The following ATRNL1 variants were observed in gnomAD, a reference collection of about 807,000 sequenced individuals.
The protein encoded by ATRNL1 is attractin like 1.
A neutral mutation model predicts 182.7 loss-of-function variants in ATRNL1; 95 were observed. The observed-to-expected ratio is 0.52, with a 90% CI of 0.44 to 0.62. ATRNL1 has a LOEUF of 0.62. Among genes scored for constraint, ATRNL1 ranks in the 20% least tolerant of loss-of-function variants. ATRNL1 has a pLI of 0.00. For missense variants in ATRNL1, 1,471 were observed against 1,679.5 expected (o/e 0.88, Z 2.17); for synonymous variants, 576 against 568.3 (o/e 1.01, Z -0.19).
chr10:115,938,098 G>A (rs1210394608), intron 28 of ATRNL1, among the ~76,000 whole-genome samples: 1 of 152,182 alleles, frequency 6.6e-6, no homozygotes, highest in Non-Finnish European at 1.5e-5. Flanking sequence ...AAATGGAAGT[G>A]CTATGTTTGT....
intron 25 of ATRNL1, among the ~76,000 whole-genome samples, chr10:115,536,025 G>T (rs1554990178): frequency 6.6e-6 from 1 of 151,882 alleles, no homozygotes. Flanking sequence ...CCTACTGGGG[G>T]GAGCCTCCCA....
At chr10:115,142,620 G>A (rs908374365) in intron 5 of ATRNL1, among the ~76,000 whole-genome samples, 1 of 152,148 alleles carries the variant, frequency 6.6e-6, no homozygotes, top group Non-Finnish European at 1.5e-5. Context: ...CAGAAGATTA[G>A]TATTATGTGG....
intron 9 of ATRNL1, among the ~76,000 whole-genome samples, chr10:115,236,941 T>C (rs1850212011): frequency 6.6e-6 from 1 of 152,194 alleles, no homozygotes; most frequent in South Asian, 2.1e-4. Context: ...ACCACTGATA[T>C]TTTTACTGTC....
In ATRNL1 at chr10:115,770,784, A is replaced by G. The variant is rs182020031; in HGVS notation, c.3903+43429A>G. Among the ~76,000 whole-genome samples the G allele has an allele frequency of 4.4e-4, 67 of 152,302 alleles. No homozygotes were observed. In the East Asian group the frequency reaches 0.012, roughly 27 times the overall value. ...GTTAGAATAAAACCTTAATAAAACC[A>G]GTAAAAAGACTTTGTAATTTGCATT... On this transcript the variant is annotated intron_variant, in intron 27 of 28. Transcript: ENST00000355044.
intron 26 of ATRNL1, among the ~76,000 whole-genome samples, chr10:115,553,281 G>C (rs576031439): frequency 6.6e-6 from 1 of 151,310 alleles, no homozygotes; most frequent in South Asian, 2.1e-4. Flanking sequence ...AAAATCTGTA[G>C]AATAATAGAT....
chr10:115,237,742 T>C (rs782519183), intron 9 of ATRNL1, among the ~76,000 whole-genome samples: 7 of 152,218 alleles, frequency 4.6e-5, no homozygotes, highest in Middle Eastern at 3.2e-3. Flanking sequence ...GTCCAAATTA[T>C]GACTTTTTTC....
rs78686641 is a variant in ATRNL1 at position 115,523,774 on chromosome 10, A to G, written c.3716+4450A>G. Among the ~76,000 whole-genome samples the G allele has an allele frequency of 5.8e-3, 887 of 152,294 alleles. 9 individuals are homozygous for G. The highest frequency in any genetic ancestry group is 0.02 in the African/African-American group (851 of 41,558). ...CTTAACCAATTTCTAAGATGTTCCA[A>G]ACTTTCCCTCATTTTTCTATCTTAT... is the stretch of plus-strand genomic sequence containing the variant. On this transcript the variant is annotated intron_variant, in intron 25 of 28. Coordinates refer to ENST00000355044, the MANE Select transcript of ATRNL1 (RefSeq NM_207303.4).
At chr10:115,149,950 G>A (rs187273066) in intron 5 of ATRNL1, among the ~76,000 whole-genome samples, 1 of 151,136 alleles carries the variant, frequency 6.6e-6, no homozygotes, top group Non-Finnish European at 1.5e-5. Flanking sequence ...GTGGACTTTG[G>A]CCGTGAAGCC....
chr10:115,796,352 C>G (rs1169594600), intron 27 of ATRNL1, among the ~76,000 whole-genome samples: 1 of 152,064 alleles, frequency 6.6e-6, no homozygotes, highest in African/African-American at 2.4e-5. Flanking sequence ...CCCACCTAAT[C>G]TGGACACCTA....
intron 15 of ATRNL1, among the ~76,000 whole-genome samples, chr10:115,293,687 G>T (rs988217256): frequency 1.3e-5 from 2 of 152,150 alleles, no homozygotes; most frequent in Non-Finnish European, 2.9e-5. Context: ...GTCTGTGGAA[G>T]ATATTATTTC....
chr10:115,604,081 CTTAT>C (rs1212687581), intron 26 of ATRNL1, among the ~76,000 whole-genome samples: 1 of 151,980 alleles, frequency 6.6e-6, no homozygotes, highest in Non-Finnish European at 1.5e-5. Context: ...TTTTTACTGA[CTTAT>C]TTTTCTCTCA....
At chr10:115,313,497 T>C (rs1413507338) in intron 17 of ATRNL1, among the ~76,000 whole-genome samples, 2 of 152,184 alleles carry the variant, frequency 1.3e-5, no homozygotes, top group Non-Finnish European at 2.9e-5. Context: ...CACTGTCTCC[T>C]GTGGGGTTGG....
intron 25 of ATRNL1, among the ~76,000 whole-genome samples, chr10:115,533,184 T>C (rs1340264254): frequency 3.3e-5 from 5 of 151,646 alleles, no homozygotes; most frequent in Non-Finnish European, 7.4e-5. Context: ...ATGGTACCAG[T>C]TCCTCCTTGT....
At chr10:115,286,464 T>A in intron 15 of ATRNL1, 67 bp downstream of exon 15, 1 of 1,138,664 alleles carries the variant, frequency 8.8e-7, no homozygotes, top group Non-Finnish European at 1.2e-6. Flanking sequence ...TTGAAATTTT[T>A]TTTTGGTTTT....
intron 27 of ATRNL1, among the ~76,000 whole-genome samples, chr10:115,758,548 A>G (rs1349868066): frequency 1.3e-5 from 2 of 152,144 alleles, no homozygotes; most frequent in Non-Finnish European, 2.9e-5. Flanking sequence ...GCTCTCCTGT[A>G]TGAGGTGTCT....
chr10:115,780,870 G>T (rs186911224), intron 27 of ATRNL1, among the ~76,000 whole-genome samples: 19 of 152,290 alleles, frequency 1.2e-4, no homozygotes, highest in Admixed American at 1.2e-3. Context: ...CTGGTTTCAG[G>T]TGAGACCCAG....
intron 5 of ATRNL1, among the ~76,000 whole-genome samples, chr10:115,147,511 C>T (rs1846025867): frequency 6.6e-6 from 1 of 151,954 alleles, no homozygotes; most frequent in Non-Finnish European, 1.5e-5. Context: ...GTTGCCTGTG[C>T]TTTTGAGGTC....
intron 8 of ATRNL1, among the ~76,000 whole-genome samples, chr10:115,186,252 T>C (rs1554888726): frequency 6.6e-6 from 1 of 151,548 alleles, no homozygotes; most frequent in African/African-American, 2.4e-5. Context: ...CCTCATACAT[T>C]ATTGGTGGGA....
chr10:115,633,661 C>A (rs954630056), intron 26 of ATRNL1, among the ~76,000 whole-genome samples: 1 of 152,086 alleles, frequency 6.6e-6, no homozygotes, highest in Non-Finnish European at 1.5e-5. Context: ...TATTGACTCC[C>A]AAACCATCCT....
Sources: allele counts gnomAD v4.1 joint callset (sites outside exome capture counted in the v4.1 genomes callset), GRCh38; gene constraint gnomAD v4.1.1; transcripts MANE v1.5; gene names NCBI Gene and HGNC (gene_info 2026-07-23, HGNC 2026-07-21).